Variants in HCRTR2 observed in about 807,000 individuals in gnomAD.
The protein encoded by HCRTR2 is hypocretin receptor 2.
A neutral mutation model predicts 49.0 loss-of-function variants in HCRTR2; 22 were observed. The observed-to-expected ratio is 0.45, with a 90% confidence interval of 0.32 to 0.64. The LOEUF is 0.64. HCRTR2 is among the 30% of genes least tolerant of loss of function. HCRTR2 has a pLI of 0.04. For synonymous variants in HCRTR2, 236 were observed against 205.3 expected (o/e 1.15, Z -1.28); for missense variants, 491 against 559.4 (o/e 0.88, Z 1.23).
intron 1 of HCRTR2, among the ~76,000 whole-genome samples, chr6:55,189,972 A>C (rs955309524): frequency 3.9e-5 from 6 of 152,148 alleles, no homozygotes; most frequent in Non-Finnish European, 4.4e-5. Context: ...GTCCAGCAGA[A>C]ATCAGGGCTT....
chr6:55,261,839 G>C (rs116931502), intron 3 of HCRTR2, among the ~76,000 whole-genome samples: 1 of 152,152 alleles, frequency 6.6e-6, no homozygotes, highest in Non-Finnish European at 1.5e-5. Context: ...CATGTTTACA[G>C]CAGCACAATT....
At chr6:55,244,829 C>T (rs1452588212) in intron 1 of HCRTR2, among the ~76,000 whole-genome samples, 1 of 151,870 alleles carries the variant, frequency 6.6e-6, no homozygotes, top group Non-Finnish European at 1.5e-5. Context: ...TCTTCAGTTG[C>T]TATTTGTATA....
Position 55,143,021 on chromosome 6 carries a change from T to C in HCRTR2, c.-377-31190T>C, listed in dbSNP as rs548525667. ...ATAGATAGATAGACAGACAGACAGATAGAACAGCCTGAATATTATGTGAAA... is the reference window on the plus strand; with the variant it reads ...ATAGATAGATAGACAGACAGACAGACAGAACAGCCTGAATATTATGTGAAA... On this transcript the variant is annotated intron_variant, in intron 1 of 7. Coordinates refer to the HCRTR2 transcript ENST00000615358. Among the ~76,000 whole-genome samples the C allele has an allele frequency of 5.0e-5, 7 of 140,272 alleles. No homozygotes were observed. The South Asian group carries it at 1.1e-3, about 23-fold the overall frequency. 92.0% of individuals were successfully genotyped at this position (140,272 alleles called of 152,430 possible).
At chr6:55,131,927 A>G (rs1428246260) in intron 1 of HCRTR2, among the ~76,000 whole-genome samples, 1 of 151,798 alleles carries the variant, frequency 6.6e-6, no homozygotes, top group Non-Finnish European at 1.5e-5. Flanking sequence ...CCATGTGGCA[A>G]GCTTTATAAT....
intron 3 of HCRTR2, among the ~76,000 whole-genome samples, chr6:55,261,997 AC>A (rs1766766215): frequency 6.6e-6 from 1 of 152,136 alleles, no homozygotes; most frequent in Admixed American, 6.6e-5. Flanking sequence ...GGATTTGGAG[AC>A]CATTATTCTA....
chr6:55,177,018 CTTG>C (rs1765052240), intron 1 of HCRTR2, among the ~76,000 whole-genome samples: 1 of 152,070 alleles, frequency 6.6e-6, no homozygotes, highest in South Asian at 2.1e-4. Context: ...TTGCATAGAC[CTTG>C]TAGTGAATAG....
chr6:55,131,756 G>C (rs1444422738), intron 1 of HCRTR2, among the ~76,000 whole-genome samples: 1 of 151,544 alleles, frequency 6.6e-6, no homozygotes, highest in Non-Finnish European at 1.5e-5. Flanking sequence ...AAGAGCACTT[G>C]TTGAAAAATA....
chr6:55,217,948 G>A (rs193177851), intron 1 of HCRTR2, among the ~76,000 whole-genome samples: 1 of 152,306 alleles, frequency 6.6e-6, no homozygotes. Context: ...TATACAGAAG[G>A]GGATTTGTTA....
At chr6:55,201,036 T>A (rs914765541) in intron 1 of HCRTR2, among the ~76,000 whole-genome samples, 2 of 152,068 alleles carry the variant, frequency 1.3e-5, no homozygotes, top group African/African-American at 4.8e-5. Flanking sequence ...ATTGCATACA[T>A]TCATGGGTAG....
At chr6:55,230,275 A>G (rs1020502411) in intron 1 of HCRTR2, among the ~76,000 whole-genome samples, 5 of 152,242 alleles carry the variant, frequency 3.3e-5, no homozygotes, top group African/African-American at 1.2e-4. Flanking sequence ...AGCAACAACT[A>G]TAAGCATAAT....
intron 1 of HCRTR2, among the ~76,000 whole-genome samples, chr6:55,168,777 C>T (rs923445081): frequency 1.3e-5 from 2 of 151,858 alleles, no homozygotes; most frequent in African/African-American, 4.8e-5. Context: ...CACTAAGTTG[C>T]CCAACCTGGA....
At chr6:55,195,552 T>C (rs1765393908) in intron 1 of HCRTR2, among the ~76,000 whole-genome samples, 1 of 152,220 alleles carries the variant, frequency 6.6e-6, no homozygotes, top group African/African-American at 2.4e-5. Flanking sequence ...TAATTCACTG[T>C]ATATTTCAAA....
chr6:55,174,731 G>C lies in HCRTR2; in HGVS notation c.144G>C (p.Leu48=). 1 of 1,614,128 alleles carries C rather than the reference G, an allele frequency of 6.2e-7. No individual in the cohort carries two copies. Among genetic ancestry groups the C allele is most frequent in the Non-Finnish European group, 8.5e-7 (1 of 1,180,020 alleles). The part of the protein sequence containing the change: ...EFLRYLWREY[L]HPKEYEWVLI... The stretch of plus-strand genomic sequence containing the variant: ...TGCGGTACCTGTGGAGGGAATACCT[G>C]CACCCGAAAGAATATGAGTGGGTCC... Residue 48 remains leucine (L), a synonymous_variant, in exon 1 of 7, where the codon CTG becomes CTC. Transcript: ENST00000370862.
intron 1 of HCRTR2, among the ~76,000 whole-genome samples, chr6:55,176,317 A>C (rs9349763): frequency 0.043 from 6,588 of 152,290 alleles, 211 homozygotes; most frequent in African/African-American, 0.095. Context: ...AAATAAAGGA[A>C]ATCTTTTTGG....
intron 2 of HCRTR2, among the ~76,000 whole-genome samples, chr6:55,249,476 A>G (rs546481573): frequency 5.3e-5 from 8 of 152,294 alleles, no homozygotes; most frequent in Non-Finnish European, 1.0e-4. Flanking sequence ...AATTTAAATG[A>G]GATCTACCTC....
chr6:55,152,755 C>A (rs569204659), intron 1 of HCRTR2, among the ~76,000 whole-genome samples: 5 of 152,076 alleles, frequency 3.3e-5, no homozygotes, highest in South Asian at 2.1e-4. Context: ...AAAGGCCTCA[C>A]TTTCTAGTAT....
intron 1 of HCRTR2, among the ~76,000 whole-genome samples, chr6:55,150,313 TTTC>T (rs147157409): frequency 2.8e-5 from 4 of 143,856 alleles, no homozygotes; most frequent in Non-Finnish European, 4.6e-5. Context: ...CTCCTTGTTC[TTTC>T]TTCTTATTAT....
intron 1 of HCRTR2, among the ~76,000 whole-genome samples, chr6:55,221,583 G>GCT (rs1187316620): frequency 6.6e-6 from 1 of 152,118 alleles, no homozygotes; most frequent in Non-Finnish European, 1.5e-5. Flanking sequence ...GGAGGCCAAG[G>GCT]GGGTCAGATC....
intron 1 of HCRTR2, among the ~76,000 whole-genome samples, chr6:55,111,574 T>A (rs573506979): frequency 1.3e-5 from 2 of 151,856 alleles, no homozygotes; most frequent in African/African-American, 2.4e-5. Context: ...TTCCTGGAAA[T>A]ATACAAGCTC....
Sources: allele counts gnomAD v4.1 joint callset (sites outside exome capture counted in the v4.1 genomes callset), GRCh38; gene constraint gnomAD v4.1.1; transcripts MANE v1.5; gene names NCBI Gene and HGNC (gene_info 2026-07-23, HGNC 2026-07-21).